The following SLC26A6 variants were observed in gnomAD, a reference collection of about 807,000 sequenced individuals.
SLC26A6 encodes the protein solute carrier family 26 member 6, also known as anion exchange transporter.
A neutral mutation model predicts 87.1 loss-of-function variants in SLC26A6; 67 were observed. The observed-to-expected ratio is 0.77, with a 90% CI of 0.63 to 0.94. The LOEUF is 0.94. Among genes scored for constraint, SLC26A6 ranks in the 40% least tolerant of loss-of-function variants. The pLI is 0.00. For synonymous variants in SLC26A6, 414 were observed against 405.9 expected (o/e 1.02, Z -0.24); for missense variants, 902 against 973.0 (o/e 0.93, Z 0.97).
In SLC26A6 at chr3:48,630,382, T is replaced by G. The variant is rs887220944; in HGVS notation, c.1326+56A>C. On this transcript the variant is annotated intron_variant, in intron 11 of 20. Coordinates refer to ENST00000395550, the MANE Select transcript of SLC26A6 (RefSeq NM_022911.3). ...ACCCCTCGCCTGAACCTAGACTGGC[T>G]GATTTGAGAGCCCTGGCCTGGCCAA... 8 of 1,527,280 alleles carry G rather than the reference T, an allele frequency of 5.2e-6. No homozygotes were observed. The African/African-American group carries it at 1.1e-4, about 21-fold the overall frequency. The allele number at this position is 1,527,280 out of a possible 1,614,324, so 94.6% of individuals were successfully genotyped here. A position where few individuals can be genotyped will look rare whatever the true frequency, so the allele number is the denominator to read the frequency against.
chr3:48,629,931 G>C lies in SLC26A6; in HGVS notation c.1470C>G (p.Asp490Glu). 3.1e-6 allele frequency: 5 copies of C among 1,614,130 alleles called. No individual in the cohort carries two copies. Among genetic ancestry groups the C allele is most frequent in the Non-Finnish European group, 4.2e-6 (5 of 1,180,038 alleles). Reference protein sequence around the residue: ...TFTATILLNLDLGLVVAVIFS... With the variant: ...TFTATILLNLELGLVVAVIFS... ...AGATGACCGCAACCACCAAGCCAAG[G>C]TCCAGGTTCAGCAAGATGGTGGCCG... is the stretch of plus-strand genomic sequence containing the variant. The change falls in exon 13 of 21, where the codon GAC (aspartate) becomes GAG (glutamate). Residue 490 changes from aspartate to glutamate, a missense_variant. Physicochemically the swap from Asp to Glu is conservative, Grantham distance 45 (BLOSUM62 2). Transcript: ENST00000395550.
Position 48,634,946 on chromosome 3 carries a change from G to A in SLC26A6, c.23+425C>T, listed in dbSNP as rs2046913203. ...GAGCCTTGATCATTGGCCCCTCCCT[G>A]TAGGAAGGCAACTGGGGCCAGAAAG... On this transcript the variant is annotated intron_variant, in intron 1 of 20. Coordinates refer to ENST00000395550, the MANE Select transcript of SLC26A6 (RefSeq NM_022911.3). Among the ~76,000 whole-genome samples the A allele has an allele frequency of 2.0e-5, 3 of 152,232 alleles. No homozygotes were observed. The South Asian group carries it at 6.2e-4, about 32-fold the overall frequency.
Position 48,626,349 on chromosome 3 carries a change from C to T in SLC26A6, c.2134G>A (p.Val712Met), listed in dbSNP as rs2046621493. The T allele has an allele frequency of 6.2e-7, 1 of 1,613,902 alleles. No homozygotes were observed. ...TGCCCAGCCTCAAGCTGGCTGACCA[C>T]AGGGCCTGTGGGCAAGAAGTAGGCC... ...EVYMAACHSP[V>M]VSQLEAGHFF... The change falls in exon 20 of 21, where the codon GTG becomes ATG. Residue 712 changes from valine (V) to methionine (M), a missense_variant. Physicochemically the swap from Val to Met is conservative, Grantham distance 21. Around this residue, in one of 3 missense-constraint regions of SLC26A6, gnomAD observed 99 missense variants for 100.1 expected, o/e 0.99. Transcript: ENST00000395550.
intron 14 of SLC26A6, among the ~76,000 whole-genome samples, chr3:48,629,009 C>T (rs2046705569): frequency 6.6e-5 from 10 of 152,154 alleles, no homozygotes. Flanking sequence ...TTTTCTGCAC[C>T]CAGACAGAGG....
intron 5 of SLC26A6, 22 bp from the exon 6 acceptor site, chr3:48,632,066 T>G: frequency 5.6e-6 from 9 of 1,612,042 alleles, no homozygotes; most frequent in Non-Finnish European, 7.6e-6. Flanking sequence ...CCAGGGGCAG[T>G]CAGGAGAGGC....
chr3:48,626,466 A>ATAGC, intron 19 of SLC26A6, 112 bp from the exon 20 acceptor site: 1 of 1,555,390 alleles, frequency 6.4e-7, no homozygotes, highest in Non-Finnish European at 8.8e-7. Context: ...CCCTGAGGCT[A>ATAGC]CAGCTGAATC....
At position 48,626,855 on chromosome 3, in the gene SLC26A6, T is replaced by G. The variant is rs978299128; in HGVS notation, c.2073+21A>C. 4 of 1,609,598 alleles carry G rather than the reference T, an allele frequency of 2.5e-6. No homozygotes were observed. The African/African-American group carries it at 5.4e-5, about 22-fold the overall frequency. Reference sequence around the variant, plus strand: ...GGTCAGTGTGGAAGCTCGAGGGGCCTTGGCCTGCCCCCGTCCTTACATTCT... The same window carrying G: ...GGTCAGTGTGGAAGCTCGAGGGGCCGTGGCCTGCCCCCGTCCTTACATTCT... On this transcript the variant is annotated intron_variant, in intron 18 of 20. Coordinates refer to ENST00000395550, the MANE Select transcript of SLC26A6 (RefSeq NM_022911.3).
At position 48,631,277 on chromosome 3, in the gene SLC26A6, G is replaced by A; in HGVS notation, c.933C>T (p.Gly311=). Residue 311 remains glycine (G), a synonymous_variant, in exon 8 of 21, where the codon GGC becomes GGT. Coordinates refer to ENST00000395550, the MANE Select transcript of SLC26A6 (RefSeq NM_022911.3). The part of the protein sequence containing the change: ...TLIGATGISY[G]MGLKHRFEVD... ...CCTCAAATCTGTGCTTTAGACCCAT[G>A]CCATAGGAGATGCCTGTGGCCCCGA... The A allele has an allele frequency of 2.5e-6, 4 of 1,606,158 alleles. No homozygotes were observed. Among genetic ancestry groups the A allele is most frequent in the South Asian group, 2.2e-5 (2 of 89,890 alleles).
At chr3:48,626,760 G>A (rs377358134) in intron 18 of SLC26A6, 75 bp from the exon 19 acceptor site, 9 of 1,610,244 alleles carry the variant, frequency 5.6e-6, no homozygotes, top group African/African-American at 4.0e-5. Context: ...GCTTGGGGAG[G>A]GAGTTTAGAA....
In SLC26A6 at chr3:48,628,660, C is replaced by T. The variant is rs1272833093; in HGVS notation, c.1654G>A (p.Ala552Thr). 6.2e-7 allele frequency: 1 copy of T among 1,613,692 alleles called. No homozygotes were observed. The change falls in exon 15 of 21, where the codon GCC (alanine) becomes ACC (threonine). Residue 552 changes from alanine to threonine, a missense_variant. Coordinates refer to ENST00000395550, the MANE Select transcript of SLC26A6 (RefSeq NM_022911.3). This position sits in a 1 kb window ranked among gnomAD's most constrained non-coding sequence, Gnocchi z 4.4. ...GCATCACTGTAGAACTCAGCATTGGCAAAGTACACGGTGGCCGAGGAGCGG... is the reference window on the plus strand; with the variant it reads ...GCATCACTGTAGAACTCAGCATTGGTAAAGTACACGGTGGCCGAGGAGCGG... ...VFRSSATVYF[A>T]NAEFYSDALK...
At chr3:48,631,541 C>T in intron 7 of SLC26A6, 108 bp downstream of exon 7, 10 of 1,440,716 alleles carry the variant, frequency 6.9e-6, no homozygotes, top group Non-Finnish European at 9.3e-6. Context: ...CCCAAGAACC[C>T]TCCCAGCCCC....
chr3:48,626,932 G>A lies in SLC26A6; in HGVS notation c.2017C>T (p.Leu673=). The A allele has an allele frequency of 1.9e-6, 3 of 1,614,242 alleles. No homozygotes were observed. The highest frequency in any genetic ancestry group is 2.5e-6 in the Non-Finnish European group (3 of 1,180,046). Residue 673 remains leucine (L), a synonymous_variant, in exon 18 of 21, where the codon CTG becomes TTG. Coordinates refer to ENST00000395550, the MANE Select transcript of SLC26A6 (RefSeq NM_022911.3). The stretch of plus-strand genomic sequence containing the variant: ...ACAAAGGAGAGGGCACCCAGGTCCA[G>A]GATGAGGCTGTGGAAGTCTGGCTGA... The part of the protein sequence containing the change: ...LPQPDFHSLI[L]DLGALSFVDT...
intron 9 of SLC26A6, 96 bp downstream of exon 9, chr3:48,630,897 T>G: frequency 6.4e-7 from 1 of 1,569,726 alleles, no homozygotes; most frequent in Non-Finnish European, 8.7e-7. Flanking sequence ...CCTCAGCACA[T>G]CTGCTGTCTC....
chr3:48,630,510 A>C lies in SLC26A6; in HGVS notation c.1254T>G (p.Ala418=). Residue 418 remains alanine (A), a synonymous_variant, in exon 11 of 21, where the codon GCT becomes GCG. Coordinates refer to ENST00000395550, the MANE Select transcript of SLC26A6 (RefSeq NM_022911.3). Reference sequence around the variant, plus strand: ...GGATGAAAAGGGAAGAGATGGCTCCAGCAACCTGTTCGGGGAGGGAGTGAG... The same window carrying C: ...GGATGAAAAGGGAAGAGATGGCTCCCGCAACCTGTTCGGGGAGGGAGTGAG... ...QESTGGNSQV[A]GAISSLFILL... 1 of 1,561,018 alleles carries C rather than the reference A, an allele frequency of 6.4e-7. No homozygotes were observed. The highest frequency in any genetic ancestry group is 8.7e-7 in the Non-Finnish European group (1 of 1,152,224).
rs753460115 is a variant in SLC26A6, at chr3:48,633,267, G to C, written c.306C>G (p.Ile102Met). Reference protein sequence around the residue: ...GDLLSGLSVAIMQLPQGLAYA... With the variant: ...GDLLSGLSVAMMQLPQGLAYA... ...GTGGCTCACCCTGCGGAAGCTGCATGATGGCCACACTCAGGCCGGATAACA... is the reference window on the plus strand; with the variant it reads ...GTGGCTCACCCTGCGGAAGCTGCATCATGGCCACACTCAGGCCGGATAACA... The change falls in exon 3 of 21, where the codon ATC becomes ATG. Residue 102 changes from isoleucine to methionine, a missense_variant. Coordinates refer to ENST00000395550, the MANE Select transcript of SLC26A6 (RefSeq NM_022911.3). 12 of 1,613,220 alleles carry C rather than the reference G, an allele frequency of 7.4e-6. No individual in the cohort carries two copies. Among genetic ancestry groups the C allele is most frequent in the Admixed American group, 6.7e-5 (4 of 59,976 alleles).
chr3:48,632,452 A>G, intron 4 of SLC26A6, 56 bp from the exon 5 acceptor site: 2 of 1,575,492 alleles, frequency 1.3e-6, no homozygotes, highest in Non-Finnish European at 1.7e-6. Flanking sequence ...CCTGCCCTGG[A>G]GCCCTGGTCT....
intron 17 of SLC26A6, chr3:48,627,711 T>C (rs1420498018): frequency 7.3e-6 from 3 of 411,736 alleles, no homozygotes; most frequent in Non-Finnish European, 1.3e-5. Context: ...GGGGAAGTCT[T>C]GTGGGATCTA....
intron 1 of SLC26A6, chr3:48,633,985 C>A: frequency 1.6e-6 from 1 of 633,714 alleles, no homozygotes; most frequent in Non-Finnish European, 2.1e-6. Flanking sequence ...CCTCTCCAGT[C>A]CCCAGGTCCT....
Position 48,631,287 on chromosome 3 carries a change from A to C in SLC26A6, c.923T>G (p.Ile308Ser). Residue 308 changes from isoleucine to serine, a missense_variant, in exon 8 of 21, where the codon ATC becomes AGC. By Grantham distance (142) the Ile-to-Ser change is moderately radical. Coordinates refer to ENST00000395550, the MANE Select transcript of SLC26A6 (RefSeq NM_022911.3). ...GTGCTTTAGACCCATGCCATAGGAG[A>C]TGCCTGTGGCCCCGATGAGCTGTGG... ...ELLTLIGATG[I>S]SYGMGLKHRF... 1 of 1,602,580 alleles carries C rather than the reference A, an allele frequency of 6.2e-7. No homozygotes were observed. Among genetic ancestry groups the C allele is most frequent in the Non-Finnish European group, 8.5e-7 (1 of 1,173,578 alleles).
Sources: gnomAD v4.1 joint callset for allele counts (sites outside exome capture counted in the v4.1 genomes callset) on GRCh38, gnomAD v4.1.1 for gene constraint, gnomAD v4.1.1 regional missense constraint, Gnocchi (gnomAD v3.1) non-coding constraint, MANE v1.5 for transcripts, NCBI Gene and HGNC (gene_info 2026-07-23, HGNC 2026-07-21) for gene names.